The following FGF14 variants were observed in gnomAD, a reference collection of about 807,000 sequenced individuals.
FGF14 encodes fibroblast growth factor homologous factor 4.
Under a neutral mutation model 25.5 loss-of-function variants are expected in FGF14, and 5 were observed. The observed-to-expected ratio is 0.20, with a 90% CI of 0.10 to 0.41. The LOEUF (loss-of-function observed/expected upper bound fraction) is 0.41. FGF14 is among the 10% of genes least tolerant of loss of function. FGF14 has a pLI of 1.00. For synonymous variants in FGF14, 138 were observed against 118.3 expected (o/e 1.17, Z -1.08); for missense variants, 222 against 320.1 (o/e 0.69, Z 2.34).
chr13:101,943,822 A>ATATATATATATATATAT (rs1266549387), intron 1 of FGF14, among the ~76,000 whole-genome samples: 5 of 122,458 alleles, frequency 4.1e-5, no homozygotes, highest in African/African-American at 2.4e-4. Flanking sequence ...TAAAAAAAAA[A>ATATATATATATATATAT]AAAAATATAT....
chr13:101,996,782 T>C (rs1412334932), intron 1 of FGF14, among the ~76,000 whole-genome samples: 3 of 152,188 alleles, frequency 2.0e-5, no homozygotes, highest in East Asian at 1.9e-4. Context: ...TCCAAACTTA[T>C]AAGTGACATC....
intron 1 of FGF14, among the ~76,000 whole-genome samples, chr13:102,158,010 G>T (rs2047430066): frequency 6.6e-6 from 1 of 152,152 alleles, no homozygotes; most frequent in African/African-American, 2.4e-5. Context: ...TCATTAAAAA[G>T]TCAGGAAAAA....
intron 1 of FGF14, among the ~76,000 whole-genome samples, chr13:102,161,119 G>C (rs58094631): frequency 0.016 from 2,425 of 152,258 alleles, 119 homozygotes; most frequent in Admixed American, 0.091. Flanking sequence ...AAGGAAAACT[G>C]TTTCTCATAA....
chr13:102,285,009 G>A (rs1216596392), intron 1 of FGF14, among the ~76,000 whole-genome samples: 1 of 151,842 alleles, frequency 6.6e-6, no homozygotes, highest in Non-Finnish European at 1.5e-5. Flanking sequence ...AGAAGGAAAA[G>A]AAGAGTCACC....
chr13:101,806,056 A>T (rs1263705312), intron 3 of FGF14, among the ~76,000 whole-genome samples: 1 of 152,028 alleles, frequency 6.6e-6, no homozygotes, highest in African/African-American at 2.4e-5. Context: ...TGTATATGAA[A>T]ATATATAATG....
At chr13:101,882,450 T>C (rs567760857) in intron 1 of FGF14, among the ~76,000 whole-genome samples, 1 of 152,166 alleles carries the variant, frequency 6.6e-6, no homozygotes, top group Non-Finnish European at 1.5e-5. Context: ...GCATTAACCA[T>C]GAAAACAAGA....
chr13:102,355,222 A>G (rs1422820764), intron 1 of FGF14, among the ~76,000 whole-genome samples: 1 of 152,236 alleles, frequency 6.6e-6, no homozygotes, highest in Non-Finnish European at 1.5e-5. Context: ...AGATTCCAAC[A>G]AAGCATGGAC....
At chr13:102,017,982 G>A (rs1479921973) in intron 1 of FGF14, among the ~76,000 whole-genome samples, 1 of 151,940 alleles carries the variant, frequency 6.6e-6, no homozygotes, top group Non-Finnish European at 1.5e-5. Context: ...TTATCTCTCT[G>A]ATGCTATTAA....
chr13:101,773,363 C>A (rs2038897132), intron 3 of FGF14, among the ~76,000 whole-genome samples: 1 of 152,022 alleles, frequency 6.6e-6, no homozygotes, highest in Admixed American at 6.6e-5. Context: ...TAATCTGCGA[C>A]TAATGACAAA....
At chr13:101,990,278 G>C (rs1466202187) in intron 1 of FGF14, among the ~76,000 whole-genome samples, 1 of 151,996 alleles carries the variant, frequency 6.6e-6, no homozygotes, top group Non-Finnish European at 1.5e-5. Context: ...CACAACCACA[G>C]GCAGCAACTA....
In FGF14 at chr13:102,153,974, G is replaced by A. The variant is rs908781465; in HGVS notation, c.208+247497C>T. On this transcript the variant is annotated intron_variant, in intron 1 of 4. Transcript: ENST00000376131. ...TTCTTCTCTCTATTGTAGCTTCAAG[G>A]AAATCAATATTTAAAGAGGTTAAGA... 9.9e-5 allele frequency among the ~76,000 whole-genome samples: 15 copies of A among 152,110 alleles called. No homozygotes were observed. In the South Asian group the frequency reaches 1.0e-3, roughly 11 times the overall value.
At chr13:102,215,048 T>C (rs756097716) in intron 1 of FGF14, among the ~76,000 whole-genome samples, 3 of 150,966 alleles carry the variant, frequency 2.0e-5, no homozygotes, top group African/African-American at 7.4e-5. Context: ...ACCACCCACA[T>C]GCTGTGAAGG....
At chr13:102,118,118 A>G (rs654849) in intron 1 of FGF14, among the ~76,000 whole-genome samples, 80,671 of 151,876 alleles carry the variant, frequency 0.53, 22,800 homozygotes, top group East Asian at 0.75. Context: ...ACAAAGGAAA[A>G]TCTAATGTGA....
At chr13:102,241,580 T>A (rs571482427) in intron 1 of FGF14, among the ~76,000 whole-genome samples, 1 of 152,294 alleles carries the variant, frequency 6.6e-6, no homozygotes, top group South Asian at 2.1e-4. Context: ...AGTTATGCTA[T>A]AGAAAAAAAT....
chr13:102,305,005 C>CA (rs2055294278), intron 1 of FGF14, among the ~76,000 whole-genome samples: 1 of 151,954 alleles, frequency 6.6e-6, no homozygotes, highest in Admixed American at 6.6e-5. Context: ...TATTATGCAG[C>CA]AAAAAATAAC....
intron 1 of FGF14, among the ~76,000 whole-genome samples, chr13:102,386,543 T>G (rs1229466626): frequency 2.0e-5 from 3 of 152,222 alleles, no homozygotes; most frequent in African/African-American, 7.2e-5. Context: ...GGAAAAAGCA[T>G]AGTCAGGCAA....
chr13:102,399,406 A>G (rs973758533), intron 1 of FGF14, among the ~76,000 whole-genome samples: 1 of 152,222 alleles, frequency 6.6e-6, no homozygotes, highest in South Asian at 2.1e-4. Context: ...TCACAGAAAG[A>G]CACAAGAAGG....
intron 3 of FGF14, among the ~76,000 whole-genome samples, chr13:101,766,398 T>G (rs1331311612): frequency 1.3e-5 from 2 of 152,130 alleles, no homozygotes; most frequent in African/African-American, 4.8e-5. Flanking sequence ...ATAAGTCAAC[T>G]CCCTGCCCTC....
In FGF14 at chr13:102,074,801, T is replaced by C. The variant is rs115015852; in HGVS notation, c.209-199505A>G. ...TTCAACATAAAAACATGATCCACCA[T>C]ATTAGTGGAATGAAGGATAAAAACC... is the stretch of plus-strand genomic sequence containing the variant. On this transcript the variant is annotated intron_variant, in intron 1 of 4. Coordinates refer to the FGF14 transcript ENST00000376131. Among the ~76,000 whole-genome samples, 1,272 of 152,268 alleles carry C rather than the reference T, an allele frequency of 8.4e-3. 17 individuals carry two copies. The highest frequency in any genetic ancestry group is 0.029 in the African/African-American group (1,186 of 41,526).
Sources: allele counts gnomAD v4.1 joint callset (sites outside exome capture counted in the v4.1 genomes callset), GRCh38; gene constraint gnomAD v4.1.1; transcripts MANE v1.5; gene names NCBI Gene and HGNC (gene_info 2026-07-23, HGNC 2026-07-21).